Variants in CALN1 observed in about 807,000 individuals in gnomAD.
The protein encoded by CALN1 is calneuron 1, also known as calcium-binding protein 8.
A neutral mutation model predicts 30.6 loss-of-function variants in CALN1; 17 were observed. The ratio of observed to expected loss-of-function variants is 0.56; its 90% CI spans 0.38 to 0.83. CALN1 has a LOEUF of 0.83. CALN1 is among the 40% of genes least tolerant of loss of function. The probability of loss-of-function intolerance (pLI) is 0.00; values close to 1 mark genes in which losing one functional copy is unlikely to be tolerated. For synonymous variants in CALN1, 156 were observed against 131.4 expected, an observed-to-expected ratio of 1.19 and a Z score of -1.28; for missense variants, 291 against 354.9, an observed-to-expected ratio of 0.82 and a Z score of 1.45.
At chr7:71,889,208 C>T (rs933696640) in intron 5 of CALN1, among the ~76,000 whole-genome samples, 1 of 152,154 alleles carries the variant, frequency 6.6e-6, no homozygotes, top group African/African-American at 2.4e-5. Flanking sequence ...CTGGGAAGTC[C>T]AAGATCAAGG....
chr7:72,234,509 C>T (rs777289264), intron 3 of CALN1, among the ~76,000 whole-genome samples: 4 of 152,044 alleles, frequency 2.6e-5, no homozygotes, highest in Non-Finnish European at 4.4e-5. Flanking sequence ...TGCCATGGCG[C>T]GATCTCGGCT....
intron 1 of CALN1, among the ~76,000 whole-genome samples, chr7:72,409,088 C>T (rs982801653): frequency 3.9e-5 from 6 of 151,908 alleles, no homozygotes; most frequent in Middle Eastern, 6.8e-3. Flanking sequence ...TTCCGCCTCC[C>T]GGATTCAAGA....
At chr7:71,938,821 C>G (rs1795977329) in intron 5 of CALN1, among the ~76,000 whole-genome samples, 1 of 151,980 alleles carries the variant, frequency 6.6e-6, no homozygotes, top group Admixed American at 6.6e-5. Context: ...AAAAACCACA[C>G]ACAGACCCCA....
In CALN1 at chr7:72,353,143, T is replaced by A. The variant is rs187498267; in HGVS notation, c.119+50108A>T. On this transcript the variant is annotated intron_variant, in intron 2 of 6. Transcript: ENST00000395275. ...ATAAACAAATTCCTCTGTGCCCAGATGGTTTCTCTGGTGAATTCTAACATT... is the reference window on the plus strand; with the variant it reads ...ATAAACAAATTCCTCTGTGCCCAGAAGGTTTCTCTGGTGAATTCTAACATT... Among the ~76,000 whole-genome samples, 1,026 of 152,296 alleles carry A rather than the reference T, an allele frequency of 6.7e-3. 14 individuals are homozygous for A. The highest frequency in any genetic ancestry group is 0.017 in the Middle Eastern group (5 of 294).
At chr7:71,925,978 C>T (rs1039384932) in intron 5 of CALN1, among the ~76,000 whole-genome samples, 26 of 152,218 alleles carry the variant, frequency 1.7e-4, no homozygotes, top group Middle Eastern at 6.8e-3. Flanking sequence ...CTCAGCTTCC[C>T]GAGTAGCTGG....
At chr7:72,083,239 A>G (rs983362911) in intron 4 of CALN1, among the ~76,000 whole-genome samples, 1 of 152,170 alleles carries the variant, frequency 6.6e-6, no homozygotes, top group African/African-American at 2.4e-5. Context: ...TATGCAAGAG[A>G]AAATTTCACA....
intron 5 of CALN1, among the ~76,000 whole-genome samples, chr7:71,967,604 C>T (rs531088582): frequency 4.6e-5 from 6 of 129,118 alleles, no homozygotes; most frequent in Middle Eastern, 5.3e-3. Flanking sequence ...CCAGCCTGGG[C>T]GACAGAGTGA....
chr7:71,878,761 TCAC>T (rs1648864343), intron 5 of CALN1, among the ~76,000 whole-genome samples: 1 of 152,198 alleles, frequency 6.6e-6, no homozygotes, highest in Admixed American at 6.5e-5. Context: ...CACTACATCA[TCAC>T]AATAGTAATG....
intron 3 of CALN1, among the ~76,000 whole-genome samples, chr7:72,161,864 C>T (rs1276382870): frequency 2.0e-5 from 3 of 151,856 alleles, no homozygotes; most frequent in Non-Finnish European, 2.9e-5. Flanking sequence ...AACACATGCT[C>T]ACCTACGTAA....
At chr7:72,291,514 A>G (rs1337824084) in intron 2 of CALN1, among the ~76,000 whole-genome samples, 1 of 152,202 alleles carries the variant, frequency 6.6e-6, no homozygotes, top group Non-Finnish European at 1.5e-5. Flanking sequence ...AGCCTGCACC[A>G]CACAGGCAGT....
intron 5 of CALN1, among the ~76,000 whole-genome samples, chr7:71,822,736 G>A (rs559830057): frequency 3.3e-5 from 5 of 152,112 alleles, no homozygotes; most frequent in Non-Finnish European, 5.9e-5. Flanking sequence ...AAGATTAATA[G>A]ACCTTTTATT....
intron 2 of CALN1, among the ~76,000 whole-genome samples, chr7:72,362,259 G>A: frequency 6.6e-6 from 1 of 152,190 alleles, no homozygotes; most frequent in Non-Finnish European, 1.5e-5. Flanking sequence ...CTACCAATTT[G>A]ATGACTTTTG....
At position 72,285,527 on chromosome 7, in the gene CALN1, A is replaced by G. The variant is rs553864458; in HGVS notation, c.120-6717T>C. Among the ~76,000 whole-genome samples, 20 of 152,256 alleles carry G rather than the reference A, an allele frequency of 1.3e-4. No homozygotes were observed. The East Asian group carries it at 3.9e-3, about 29-fold the overall frequency. On this transcript the variant is annotated intron_variant, in intron 2 of 6. Coordinates refer to ENST00000395275, the MANE Select transcript of CALN1 (RefSeq NM_031468.4). Reference sequence around the variant, plus strand: ...CAAAGTGCTGGGATTACAGGCGTGAACCACAGCGCCCAGCTCTTACTGTAC... The same window carrying G: ...CAAAGTGCTGGGATTACAGGCGTGAGCCACAGCGCCCAGCTCTTACTGTAC...
chr7:72,350,792 A>T (rs554672160), intron 2 of CALN1, among the ~76,000 whole-genome samples: 2,280 of 152,336 alleles, frequency 0.015, 24 homozygotes, highest in African/African-American at 0.027. Context: ...AAGTTAAAAA[A>T]AAATAAATAA....
At chr7:72,192,810 C>T (rs1213239091) in intron 3 of CALN1, among the ~76,000 whole-genome samples, 3 of 121,574 alleles carry the variant, frequency 2.5e-5, no homozygotes, top group East Asian at 5.4e-4. Context: ...CCCCTCCCCC[C>T]ACCCCACAAC....
At chr7:72,201,870 G>A (rs1409800527) in intron 3 of CALN1, among the ~76,000 whole-genome samples, 1 of 152,078 alleles carries the variant, frequency 6.6e-6, no homozygotes, top group Non-Finnish European at 1.5e-5. Context: ...TCACCCAAGA[G>A]GACAGAAGAC....
At chr7:72,084,080 GCA>G in intron 4 of CALN1, among the ~76,000 whole-genome samples, 1 of 150,586 alleles carries the variant, frequency 6.6e-6, no homozygotes, top group East Asian at 2.0e-4. Flanking sequence ...ATGGTGGTGT[GCA>G]CCTGTAGTCC....
intron 3 of CALN1, among the ~76,000 whole-genome samples, chr7:72,227,618 A>T (rs1000557450): frequency 2.0e-5 from 3 of 152,062 alleles, no homozygotes; most frequent in Non-Finnish European, 4.4e-5. Context: ...GCAAAGGTTA[A>T]AAAACTATCT....
chr7:72,173,262 C>CA (rs963842576), intron 3 of CALN1, among the ~76,000 whole-genome samples: 1 of 151,810 alleles, frequency 6.6e-6, no homozygotes, highest in African/African-American at 2.4e-5. Context: ...AAAAGTTATA[C>CA]AAAATCTCGA....
Sources: allele counts gnomAD v4.1 joint callset (sites outside exome capture counted in the v4.1 genomes callset), GRCh38; gene constraint gnomAD v4.1.1; transcripts MANE v1.5; gene names NCBI Gene and HGNC (gene_info 2026-07-23, HGNC 2026-07-21).